Variants in MYO5A observed in about 807,000 individuals in gnomAD.
MYO5A encodes the protein myosin VA.
A neutral mutation model predicts 249.7 loss-of-function variants in MYO5A; 98 were observed. That is an observed-to-expected ratio of 0.39 (90% CI 0.33 to 0.46). MYO5A has a LOEUF of 0.46. MYO5A is among the 20% of genes least tolerant of loss of function. MYO5A has a pLI of 0.98. For synonymous variants in MYO5A, 778 were observed against 810.6 expected (o/e 0.96, Z 0.68); for missense variants, 1,696 against 2,308.8 (o/e 0.73, Z 5.44).
chr15:52,435,174 A>AAAGTACAGGTAGATCTGAGATTC (rs1474115240), intron 1 of MYO5A, among the ~76,000 whole-genome samples: 4 of 152,234 alleles, frequency 2.6e-5, no homozygotes, highest in Admixed American at 2.0e-4. Flanking sequence ...TGGGTGAACG[A>AAAGTACAGGTAGATCTGAGATTC]AAGTACAGGT....
chr15:52,461,032 G>C (rs2076237838), intron 1 of MYO5A, among the ~76,000 whole-genome samples: 1 of 152,152 alleles, frequency 6.6e-6, no homozygotes, highest in Non-Finnish European at 1.5e-5. Flanking sequence ...GCTCACTGCA[G>C]CCTCAACCTT....
rs1355514012 is a variant in MYO5A, at chr15:52,450,628, ACTGTACT to A, written c.28-17350_28-17344del. Among the ~76,000 whole-genome samples, 14 of 151,368 alleles carry A rather than the reference ACTGTACT, an allele frequency of 9.2e-5. No individual in the cohort carries two copies. The Middle Eastern group carries it at 0.01, about 111-fold the overall frequency. On this transcript the variant is annotated intron_variant, in intron 1 of 41. Coordinates refer to ENST00000399233, the MANE Select transcript of MYO5A (RefSeq NM_001382347.1). ...AGGCTGCAAGAGCCAAGATGGTGCC[ACTGTACT>A]CCAGCCTGGATGACAGTGAGAACTT... is the stretch of plus-strand genomic sequence containing the variant.
chr15:52,326,571 G>A (rs2140945932), intron 36 of MYO5A, among the ~76,000 whole-genome samples: 1 of 152,286 alleles, frequency 6.6e-6, no homozygotes, highest in African/African-American at 2.4e-5. Flanking sequence ...TGGGGAGTTA[G>A]TGTTTAATGG....
chr15:52,402,297 A>G lies in MYO5A; in HGVS notation c.1053+2990T>C, dbSNP rs1469996904. Reference sequence around the variant, plus strand: ...AGCTAGTTTTCTGCCTCTACTTGGCACCAAAGTGTGGGTCAGGTTAAGTTT... The same window carrying G: ...AGCTAGTTTTCTGCCTCTACTTGGCGCCAAAGTGTGGGTCAGGTTAAGTTT... On this transcript the variant is annotated intron_variant, in intron 9 of 41. Transcript: ENST00000399233. Among the ~76,000 whole-genome samples, 10 of 152,136 alleles carry G rather than the reference A, an allele frequency of 6.6e-5. No homozygotes were observed. The South Asian group carries it at 1.9e-3, about 28-fold the overall frequency.
At position 52,410,392 on chromosome 15, in the gene MYO5A, G is replaced by T. The variant is rs1232932761; in HGVS notation, c.697C>A (p.Arg233=). 1.2e-6 allele frequency: 2 copies of T among 1,613,288 alleles called. No individual in the cohort carries two copies. Among genetic ancestry groups the T allele is most frequent in the Admixed American group, 3.3e-5 (2 of 60,010 alleles). The change falls in exon 6 of 42, where the codon CGA becomes AGA. Residue 233 remains arginine, a synonymous_variant. Transcript: ENST00000399233. ...GTTCTCATATTGGCACCAATGATTC[G>T]ATATCTCTTATCAAAACCAATCTCA... ...YIEIGFDKRY[R]IIGANMRTYL...
chr15:52,314,317 G>T (rs2037888292), intron 40 of MYO5A, 114 bp from the exon 41 acceptor site: 1 of 787,724 alleles, frequency 1.3e-6, no homozygotes, highest in Admixed American at 2.0e-5. Context: ...CTACTCAGGG[G>T]TGGGCTGGGA....
At chr15:52,355,361 C>A (rs1026873572) in intron 25 of MYO5A, among the ~76,000 whole-genome samples, 1 of 152,178 alleles carries the variant, frequency 6.6e-6, no homozygotes, top group African/African-American at 2.4e-5. Flanking sequence ...ATGATTATCA[C>A]ATTTTTACTG....
At chr15:52,525,559 T>A (rs1408235805) in intron 1 of MYO5A, among the ~76,000 whole-genome samples, 2 of 152,204 alleles carry the variant, frequency 1.3e-5, no homozygotes, top group African/African-American at 4.8e-5. Flanking sequence ...AAGATCTGAA[T>A]GACATTTTTT....
At chr15:52,362,267 A>G (rs1460691734) in intron 24 of MYO5A, among the ~76,000 whole-genome samples, 1 of 152,188 alleles carries the variant, frequency 6.6e-6, no homozygotes, top group South Asian at 2.1e-4. Context: ...TCCTCCATTC[A>G]TATGACGACT....
intron 34 of MYO5A, among the ~76,000 whole-genome samples, chr15:52,333,564 C>A (rs914939651): frequency 6.6e-6 from 1 of 152,146 alleles, no homozygotes; most frequent in African/African-American, 2.4e-5. Context: ...TTCTAGAATC[C>A]TTTCAGGTCT....
intron 4 of MYO5A, among the ~76,000 whole-genome samples, chr15:52,424,588 T>G (rs2075355345): frequency 6.6e-6 from 1 of 152,218 alleles, no homozygotes; most frequent in Non-Finnish European, 1.5e-5. Flanking sequence ...GTTTTGTCCC[T>G]GAAATAATTC....
intron 37 of MYO5A, among the ~76,000 whole-genome samples, chr15:52,322,557 A>T (rs1013038868): frequency 6.6e-6 from 1 of 152,230 alleles, no homozygotes; most frequent in African/African-American, 2.4e-5. Flanking sequence ...TACCTCACAG[A>T]GATGCTGTAA....
intron 1 of MYO5A, among the ~76,000 whole-genome samples, chr15:52,490,829 C>T (rs2076920832): frequency 6.6e-6 from 1 of 152,114 alleles, no homozygotes; most frequent in Non-Finnish European, 1.5e-5. Context: ...TCAAGCAATC[C>T]TCCCACCTCA....
At chr15:52,501,798 T>G (rs553556754) in intron 1 of MYO5A, among the ~76,000 whole-genome samples, 1 of 151,888 alleles carries the variant, frequency 6.6e-6, no homozygotes, top group East Asian at 1.9e-4. Flanking sequence ...GAAAAAAATA[T>G]TTTAAGCAGT....
intron 1 of MYO5A, among the ~76,000 whole-genome samples, chr15:52,459,357 G>C (rs1268290516): frequency 6.6e-6 from 1 of 151,658 alleles, no homozygotes; most frequent in African/African-American, 2.4e-5. Flanking sequence ...TGAGATTAGG[G>C]AGTGGTGATG....
At chr15:52,353,338 T>C (rs901027022) in intron 27 of MYO5A, among the ~76,000 whole-genome samples, 1 of 152,252 alleles carries the variant, frequency 6.6e-6, no homozygotes, top group Non-Finnish European at 1.5e-5. Flanking sequence ...ATTTTTATAG[T>C]GGCAGATGCT....
intron 16 of MYO5A, among the ~76,000 whole-genome samples, chr15:52,382,487 C>T (rs540941778): frequency 6.6e-6 from 1 of 152,274 alleles, no homozygotes; most frequent in South Asian, 2.1e-4. Flanking sequence ...AGGAGAATCA[C>T]TTGAACCTGG....
chr15:52,341,971 T>TG (rs2039403935), intron 31 of MYO5A, among the ~76,000 whole-genome samples: 1 of 152,252 alleles, frequency 6.6e-6, no homozygotes, highest in African/African-American at 2.4e-5. Flanking sequence ...AAAACTCTCC[T>TG]GATTTGCTGT....
At chr15:52,528,732 G>A (rs927871984) in intron 1 of MYO5A, 48 bp downstream of exon 1, 5 of 1,486,138 alleles carry the variant, frequency 3.4e-6, no homozygotes, top group African/African-American at 1.5e-5. Context: ...AGCTGGCGGC[G>A]AGGGCCGCAC....
Sources: allele counts gnomAD v4.1 joint callset (sites outside exome capture counted in the v4.1 genomes callset), GRCh38; gene constraint gnomAD v4.1.1; transcripts MANE v1.5; gene names NCBI Gene and HGNC (gene_info 2026-07-23, HGNC 2026-07-21).